The following DGKB variants were observed in gnomAD, a reference collection of about 807,000 sequenced individuals.
DGKB encodes the protein diacylglycerol kinase beta.
In DGKB, 67 loss-of-function variants were observed where a neutral mutation model predicts 114.3. The ratio of observed to expected loss-of-function variants is 0.59; its 90% CI spans 0.48 to 0.72. The LOEUF (loss-of-function observed/expected upper bound fraction) is 0.72, where lower values mean the gene tolerates loss of function less well. DGKB is among the 30% of genes least tolerant of loss of function. DGKB has a pLI of 0.00. For synonymous variants in DGKB, 398 were observed against 323.1 expected (o/e 1.23, Z -2.49); for missense variants, 907 against 975.2 (o/e 0.93, Z 0.93).
At chr7:14,303,874 A>G (rs1463304213) in intron 23 of DGKB, among the ~76,000 whole-genome samples, 1 of 152,122 alleles carries the variant, frequency 6.6e-6, no homozygotes, top group Non-Finnish European at 1.5e-5. Context: ...CACCATGAAA[A>G]TTACCCAAGG....
chr7:14,366,971 G>A (rs192861076), intron 21 of DGKB, among the ~76,000 whole-genome samples: 1 of 152,176 alleles, frequency 6.6e-6, no homozygotes, highest in African/African-American at 2.4e-5. Context: ...CTCAACTTGT[G>A]ATTTTCATAG....
intron 21 of DGKB, among the ~76,000 whole-genome samples, chr7:14,370,920 G>A (rs1817523684): frequency 6.6e-6 from 1 of 152,068 alleles, no homozygotes; most frequent in Admixed American, 6.6e-5. Context: ...TGTGGTATTT[G>A]GTTTTCTGTT....
At chr7:14,538,048 A>C (rs1792812016) in intron 20 of DGKB, among the ~76,000 whole-genome samples, 1 of 137,830 alleles carries the variant, frequency 7.3e-6, no homozygotes, top group East Asian at 2.4e-4. Context: ...CGTTTGCTGG[A>C]AGCTCCAGTC....
At chr7:14,885,537 A>C (rs750569331) in intron 1 of DGKB, among the ~76,000 whole-genome samples, 6 of 151,864 alleles carry the variant, frequency 4.0e-5, no homozygotes, top group Non-Finnish European at 7.4e-5. Context: ...GAATGCAAGG[A>C]GTGTACAGTG....
chr7:14,493,606 C>T (rs2128937869), intron 20 of DGKB, among the ~76,000 whole-genome samples: 1 of 152,054 alleles, frequency 6.6e-6, no homozygotes, highest in South Asian at 2.1e-4. Flanking sequence ...ACCTAAGTGG[C>T]AGGTAGCATA....
At chr7:14,791,615 TG>T (rs1840677849) in intron 2 of DGKB, among the ~76,000 whole-genome samples, 1 of 152,168 alleles carries the variant, frequency 6.6e-6, no homozygotes, top group Non-Finnish European at 1.5e-5. Flanking sequence ...AGAGAAGTTT[TG>T]TTTCTTGTTA....
At chr7:14,326,524 G>A (rs1475360300) in intron 23 of DGKB, among the ~76,000 whole-genome samples, 1 of 152,070 alleles carries the variant, frequency 6.6e-6, no homozygotes, top group East Asian at 1.9e-4. Flanking sequence ...TTCTCACCTG[G>A]AGGAGGACTT....
chr7:14,639,605 G>C (rs1811361201), intron 13 of DGKB, among the ~76,000 whole-genome samples: 1 of 152,178 alleles, frequency 6.6e-6, no homozygotes, highest in Admixed American at 6.5e-5. Context: ...CAGCCTTCTT[G>C]CCTTAAGTTA....
intron 23 of DGKB, among the ~76,000 whole-genome samples, chr7:14,236,653 C>T (rs556868377): frequency 3.3e-5 from 5 of 151,818 alleles, no homozygotes; most frequent in South Asian, 4.2e-4. Flanking sequence ...AAATCAAAGT[C>T]GTGAAATTTT....
At chr7:14,359,601 A>C (rs919922680) in intron 21 of DGKB, among the ~76,000 whole-genome samples, 1 of 152,186 alleles carries the variant, frequency 6.6e-6, no homozygotes, top group Non-Finnish European at 1.5e-5. Context: ...ATCTACAAAG[A>C]ACTTAAAGAA....
chr7:14,568,198 T>C (rs1207503671), intron 20 of DGKB, among the ~76,000 whole-genome samples: 1 of 152,178 alleles, frequency 6.6e-6, no homozygotes, highest in Non-Finnish European at 1.5e-5. Context: ...CAGTACCTGG[T>C]ACATAGAAGG....
At chr7:14,257,115 A>T (rs1291437802) in intron 23 of DGKB, among the ~76,000 whole-genome samples, 1 of 152,168 alleles carries the variant, frequency 6.6e-6, no homozygotes, top group African/African-American at 2.4e-5. Flanking sequence ...GTGAGCTATG[A>T]TCTTGCCAAT....
chr7:14,224,506 T>G (rs1028556650), intron 23 of DGKB, among the ~76,000 whole-genome samples: 1 of 152,030 alleles, frequency 6.6e-6, no homozygotes, highest in African/African-American at 2.4e-5. Context: ...ACAGGTAGTT[T>G]CTGTTGCCTG....
chr7:14,212,238 T>TA lies in DGKB; in HGVS notation c.2123-34088_2123-34087insT, dbSNP rs573581210. ...GTGATTTTACTCTCATGTTTTGTGA[T>TA]TTTACTCTCATGTTTTGTGATTTTA... On this transcript the variant is annotated intron_variant, in intron 23 of 25. Transcript: ENST00000402815. Among the ~76,000 whole-genome samples the TA allele has an allele frequency of 7.7e-4, 8 of 10,348 alleles. 2 individuals are homozygous for TA. Among genetic ancestry groups the TA allele is most frequent in the Non-Finnish European group, 1.0e-3 (7 of 6,958 alleles). The allele number at this position is 10,348 out of a possible 152,430, so 6.8% of individuals were successfully genotyped here.
intron 23 of DGKB, among the ~76,000 whole-genome samples, chr7:14,180,645 T>C (rs548906728): frequency 5.3e-5 from 8 of 152,212 alleles, no homozygotes; most frequent in Non-Finnish European, 1.0e-4. Flanking sequence ...TCTAAATTTG[T>C]GTTGCACGAA....
chr7:14,366,462 T>C (rs1816689715), intron 21 of DGKB, among the ~76,000 whole-genome samples: 1 of 152,156 alleles, frequency 6.6e-6, no homozygotes, highest in Non-Finnish European at 1.5e-5. Context: ...CAAACTGACA[T>C]TGCTGTATCC....
chr7:14,251,505 A>G (rs1338147431), intron 23 of DGKB, among the ~76,000 whole-genome samples: 1 of 152,134 alleles, frequency 6.6e-6, no homozygotes, highest in Non-Finnish European at 1.5e-5. Flanking sequence ...TTGTCTATTA[A>G]CTTTTAGACC....
intron 2 of DGKB, among the ~76,000 whole-genome samples, chr7:14,802,225 T>C (rs1842264371): frequency 1.3e-5 from 2 of 152,174 alleles, no homozygotes; most frequent in Non-Finnish European, 2.9e-5. Context: ...ATTCCAATTA[T>C]TGCCACCACT....
intron 2 of DGKB, among the ~76,000 whole-genome samples, chr7:14,802,646 G>A (rs1266809611): frequency 6.6e-6 from 1 of 152,012 alleles, no homozygotes; most frequent in Non-Finnish European, 1.5e-5. Context: ...AAAGTTTAGA[G>A]AATAAAACCA....
Sources: gnomAD v4.1 joint callset for allele counts (sites outside exome capture counted in the v4.1 genomes callset) on GRCh38, gnomAD v4.1.1 for gene constraint, MANE v1.5 for transcripts, NCBI Gene and HGNC (gene_info 2026-07-23, HGNC 2026-07-21) for gene names.